MACF1: variants seen among roughly 807,000 people sequenced by gnomAD.
The protein encoded by MACF1 is microtubule actin crosslinking factor 1.
MACF1 carries 193 observed loss-of-function variants against 854.8 expected under a neutral mutation model. The ratio of observed to expected loss-of-function variants is 0.23; its 90% confidence interval spans 0.20 to 0.25. MACF1 has a LOEUF of 0.25. Among genes scored for constraint, MACF1 ranks in the 10% least tolerant of loss-of-function variants. The pLI is 1.00. For missense variants in MACF1, 7,722 were observed against 8,929.1 expected (o/e 0.86, Z 5.45); for synonymous variants, 3,185 against 3,226.7 (o/e 0.99, Z 0.44).
intron 99 of MACF1, among the ~76,000 whole-genome samples, chr1:39,481,838 A>G (rs1380730600): frequency 2.0e-5 from 3 of 152,150 alleles, no homozygotes. Flanking sequence ...AGCCAGGGAA[A>G]CAAGGGATGC....
intron 35 of MACF1, 27 bp downstream of exon 35, chr1:39,324,761 A>G: frequency 6.6e-7 from 1 of 1,512,516 alleles, no homozygotes; most frequent in Non-Finnish European, 9.2e-7. Flanking sequence ...AGATTATGGC[A>G]CATCTGGGGC....
Position 39,385,676 on chromosome 1 carries a change from G to A in MACF1, c.14091G>A (p.Glu4697=). ...AGGAACTGCTCCAGGACTTATCAGA[G>A]AAGGTGAGGGCAGTTGGACAACGGC... ...QYQELLQDLS[E]KVRAVGQRLS... is the part of the protein sequence containing the mutation. The change falls in exon 57 of 101, where the codon GAG becomes GAA. Residue 4697 remains glutamate, a synonymous_variant. Coordinates refer to ENST00000564288, the MANE Select transcript of MACF1 (RefSeq NM_001394062.1). 1 of 1,614,198 alleles carries A rather than the reference G, an allele frequency of 6.2e-7. No homozygotes were observed. The highest frequency in any genetic ancestry group is 8.5e-7 in the Non-Finnish European group (1 of 1,180,040).
intron 49 of MACF1, among the ~76,000 whole-genome samples, chr1:39,366,091 C>T (rs1484843924): frequency 6.6e-6 from 1 of 152,082 alleles, no homozygotes; most frequent in African/African-American, 2.4e-5. Context: ...AGCTAGTCCT[C>T]CTCAATTTTT....
At chr1:39,327,147 T>C in intron 35 of MACF1, 71 bp from the exon 36 acceptor site, 1 of 1,420,976 alleles carries the variant, frequency 7.0e-7, no homozygotes, top group Non-Finnish European at 9.4e-7. Flanking sequence ...GTAGCAATTT[T>C]GAAGCAATAG....
At chr1:39,360,262 G>A (rs1298042381) in intron 47 of MACF1, among the ~76,000 whole-genome samples, 109 of 151,486 alleles carry the variant, frequency 7.2e-4, no homozygotes, top group Non-Finnish European at 4.4e-5. Context: ...TTCCTTCTGG[G>A]CTTCTCGAGG....
intron 51 of MACF1, among the ~76,000 whole-genome samples, chr1:39,371,813 T>A (rs1028851036): frequency 6.7e-6 from 1 of 149,580 alleles, no homozygotes; most frequent in East Asian, 2.0e-4. Context: ...TTATCTTTCT[T>A]TGCTTTTTTT....
At chr1:39,316,569 A>G (rs372701896) in intron 28 of MACF1, 40 bp downstream of exon 28, 113 of 1,583,714 alleles carry the variant, frequency 7.1e-5, no homozygotes, top group Middle Eastern at 3.4e-4. Flanking sequence ...GACCTAACAT[A>G]TTCATTGCTT....
chr1:39,476,925 G>GCCTGCTCC (rs1187758066), intron 97 of MACF1, among the ~76,000 whole-genome samples: 1 of 148,120 alleles, frequency 6.8e-6, no homozygotes, highest in Non-Finnish European at 1.5e-5. Flanking sequence ...CTTCAAGGAC[G>GCCTGCTCC]CCTGCTCCCT....
Position 39,332,736 on chromosome 1 carries a change from G to GAATATCCCGATCGGGAAGA in MACF1, c.6149_6167dup (p.Asp2056GlufsTer29). On this transcript the variant is annotated frameshift_variant, in exon 37 of 101. Transcript: ENST00000564288. LOFTEE classifies it high-confidence loss of function. ...GTTCCAGTTTTCTTCTCAGAACAAA[G>GAATATCCCGATCGGGAAGA]AATATCCCGATCGGGAAGATTGCAC... 1 of 1,614,138 alleles carries GAATATCCCGATCGGGAAGA rather than the reference G, an allele frequency of 6.2e-7. No individual in the cohort carries two copies. Among genetic ancestry groups the GAATATCCCGATCGGGAAGA allele is most frequent in the Non-Finnish European group, 8.5e-7 (1 of 1,180,028 alleles).
At chr1:39,168,243 T>C (rs1177274745) in intron 2 of MACF1, among the ~76,000 whole-genome samples, 1 of 152,218 alleles carries the variant, frequency 6.6e-6, no homozygotes, top group Admixed American at 6.5e-5. Context: ...CTTCATTCTG[T>C]TTTGGAGTAC....
intron 1 of MACF1, among the ~76,000 whole-genome samples, chr1:39,212,429 A>G (rs566855749): frequency 2.6e-5 from 4 of 152,236 alleles, no homozygotes; most frequent in Non-Finnish European, 4.4e-5. Flanking sequence ...CTCAGTCTGC[A>G]GTGCCGTTAG....
At chr1:39,250,244 C>CT in intron 3 of MACF1, 141 bp downstream of exon 3, 1 of 491,762 alleles carries the variant, frequency 2.0e-6, no homozygotes, top group East Asian at 3.0e-5. Context: ...TGTTGGGGGA[C>CT]TTTATTTCTA....
chr1:39,194,394 C>A (rs1484903857), intron 2 of MACF1, among the ~76,000 whole-genome samples: 1 of 116,394 alleles, frequency 8.6e-6, no homozygotes, highest in African/African-American at 3.5e-5. Context: ...TGTTCTGTTT[C>A]CCAAGCTGGA....
intron 2 of MACF1, among the ~76,000 whole-genome samples, chr1:39,190,566 C>T (rs1449029779): frequency 1.3e-5 from 2 of 151,780 alleles, no homozygotes; most frequent in Non-Finnish European, 2.9e-5. Flanking sequence ...TCTCGAACTC[C>T]TGGGCTCAAG....
At chr1:39,296,806 GA>G (rs774331825) in intron 20 of MACF1, among the ~76,000 whole-genome samples, 1 of 111,466 alleles carries the variant, frequency 9.0e-6, no homozygotes, top group African/African-American at 5.0e-5. Context: ...GGAAGGAAAA[GA>G]AAGAAAGGAA....
chr1:39,137,575 A>T (rs2148180188), intron 2 of MACF1, among the ~76,000 whole-genome samples: 1 of 152,320 alleles, frequency 6.6e-6, no homozygotes, highest in South Asian at 2.1e-4. Flanking sequence ...TTTATTGCCC[A>T]GGCTGGTCTC....
intron 1 of MACF1, among the ~76,000 whole-genome samples, chr1:39,229,107 T>G (rs1316409198): frequency 3.9e-5 from 6 of 152,220 alleles, no homozygotes; most frequent in Admixed American, 3.9e-4. Flanking sequence ...ATCAAGAATA[T>G]TGTAGATTTA....
chr1:39,290,003 C>T (rs1461902328), intron 15 of MACF1, among the ~76,000 whole-genome samples: 1 of 151,796 alleles, frequency 6.6e-6, no homozygotes, highest in African/African-American at 2.4e-5. Flanking sequence ...CCTGGCCTGT[C>T]CCTTTCCTTT....
At chr1:39,447,331 C>T in intron 80 of MACF1, 101 bp from the exon 81 acceptor site, 1 of 1,088,696 alleles carries the variant, frequency 9.2e-7, no homozygotes, top group Non-Finnish European at 1.3e-6. Context: ...TTTTAGAGGT[C>T]ATTTCATTTG....
Sources: allele counts gnomAD v4.1 joint callset (sites outside exome capture counted in the v4.1 genomes callset), GRCh38; gene constraint gnomAD v4.1.1; transcripts MANE v1.5; gene names NCBI Gene and HGNC (gene_info 2026-07-23, HGNC 2026-07-21).